The following ANKS1B variants were observed in gnomAD, a reference collection of about 807,000 sequenced individuals.
ANKS1B encodes the protein ankyrin repeat and sterile alpha motif domain-containing protein 1B.
A neutral mutation model predicts 148.3 loss-of-function variants in ANKS1B; 36 were observed. The ratio of observed to expected loss-of-function variants is 0.24; its 90% CI spans 0.19 to 0.32. The LOEUF is 0.32. Ranked by LOEUF, ANKS1B falls within the 10% of genes least tolerant of loss-of-function variation. The pLI, the probability that ANKS1B is intolerant of heterozygous loss-of-function variation, is 1.00. For missense variants in ANKS1B, 1,157 were observed against 1,542.6 expected, an observed-to-expected ratio of 0.75 and a Z score of 4.19; for synonymous variants, 542 against 560.8, an observed-to-expected ratio of 0.97 and a Z score of 0.47.
intron 9 of ANKS1B, among the ~76,000 whole-genome samples, chr12:99,513,301 A>G (rs932073763): frequency 2.0e-5 from 3 of 152,088 alleles, no homozygotes; most frequent in Non-Finnish European, 4.4e-5. Context: ...TTTAATATGC[A>G]TTGGGAAACC....
intron 10 of ANKS1B, among the ~76,000 whole-genome samples, chr12:99,481,006 T>TA (rs1369680430): frequency 6.6e-6 from 1 of 151,680 alleles, no homozygotes; most frequent in East Asian, 1.9e-4. Context: ...TTTTTTTTTT[T>TA]ACTGTTAAGA....
At chr12:99,966,006 A>T (rs1319203551) in intron 1 of ANKS1B, among the ~76,000 whole-genome samples, 2 of 152,234 alleles carry the variant, frequency 1.3e-5, no homozygotes, top group Non-Finnish European at 2.9e-5. Flanking sequence ...GACATCTTAT[A>T]AAATAACTGG....
chr12:99,163,048 ACT>A (rs765423335), intron 14 of ANKS1B, among the ~76,000 whole-genome samples: 4 of 151,054 alleles, frequency 2.6e-5, no homozygotes, highest in Non-Finnish European at 5.9e-5. Context: ...ACAGAGCGAG[ACT>A]CTGTCAAAAA....
At chr12:99,585,941 G>A (rs2097633568) in intron 9 of ANKS1B, among the ~76,000 whole-genome samples, 1 of 152,088 alleles carries the variant, frequency 6.6e-6, no homozygotes, top group South Asian at 2.1e-4. Context: ...CTGCCACAGA[G>A]GTCTCTGACA....
chr12:98,918,631 C>T (rs113616425), intron 17 of ANKS1B, among the ~76,000 whole-genome samples: 13 of 152,190 alleles, frequency 8.5e-5, no homozygotes, highest in Non-Finnish European at 1.9e-4. Flanking sequence ...CATTTTAATG[C>T]TCTTGAGACA....
At chr12:99,054,862 T>G (rs1423155532) in intron 16 of ANKS1B, among the ~76,000 whole-genome samples, 2 of 152,268 alleles carry the variant, frequency 1.3e-5, no homozygotes, top group Non-Finnish European at 2.9e-5. Context: ...GTTCTCTATT[T>G]TAAAGTTAGA....
chr12:99,474,665 T>G (rs1426263211), intron 10 of ANKS1B, among the ~76,000 whole-genome samples: 1 of 152,024 alleles, frequency 6.6e-6, no homozygotes, highest in Non-Finnish European at 1.5e-5. Flanking sequence ...GAATTAAAAT[T>G]GTTAATAGAA....
At chr12:99,090,069 T>C (rs1465417335) in intron 15 of ANKS1B, among the ~76,000 whole-genome samples, 1 of 152,220 alleles carries the variant, frequency 6.6e-6, no homozygotes, top group Admixed American at 6.5e-5. Flanking sequence ...AGTGGAAGTT[T>C]CTTTGACCAC....
At chr12:99,959,711 G>A (rs1230026924) in intron 1 of ANKS1B, among the ~76,000 whole-genome samples, 1 of 152,152 alleles carries the variant, frequency 6.6e-6, no homozygotes, top group East Asian at 1.9e-4. Flanking sequence ...GAATAAACAA[G>A]TGTGTTTAAT....
At chr12:98,747,886 G>A (rs558157241) in intron 26 of ANKS1B, among the ~76,000 whole-genome samples, 2 of 152,324 alleles carry the variant, frequency 1.3e-5, no homozygotes, top group African/African-American at 4.8e-5. Flanking sequence ...CTCATATGTG[G>A]AGGCTATAAA....
intron 9 of ANKS1B, among the ~76,000 whole-genome samples, chr12:99,589,374 C>T (rs979461081): frequency 6.6e-6 from 1 of 152,284 alleles, no homozygotes; most frequent in East Asian, 1.9e-4. Flanking sequence ...AAAATTATTT[C>T]ATCTGAAGTT....
intron 17 of ANKS1B, among the ~76,000 whole-genome samples, chr12:98,940,407 C>T (rs528788471): frequency 3.9e-5 from 6 of 152,274 alleles, no homozygotes; most frequent in African/African-American, 1.4e-4. Flanking sequence ...AAGAAAACTC[C>T]TTTCTTCTAT....
At chr12:99,335,230 T>C (rs1324802048) in intron 12 of ANKS1B, among the ~76,000 whole-genome samples, 2 of 152,004 alleles carry the variant, frequency 1.3e-5, no homozygotes, top group African/African-American at 2.4e-5. Flanking sequence ...CATGGGTACA[T>C]AGTAGATGTA....
chr12:99,651,013 G>A (rs548607386), intron 9 of ANKS1B, among the ~76,000 whole-genome samples: 242 of 152,184 alleles, frequency 1.6e-3, no homozygotes, highest in Non-Finnish European at 2.7e-3. Context: ...TTTGATACAT[G>A]TTTGCTGGAT....
chr12:99,626,762 A>G (rs1002867147), intron 9 of ANKS1B, among the ~76,000 whole-genome samples: 2 of 152,294 alleles, frequency 1.3e-5, no homozygotes, highest in East Asian at 3.9e-4. Context: ...GGAGCAAGAT[A>G]TCAGGAAAGA....
At chr12:99,515,424 T>A (rs1358512185) in intron 9 of ANKS1B, among the ~76,000 whole-genome samples, 1 of 152,050 alleles carries the variant, frequency 6.6e-6, no homozygotes, top group Non-Finnish European at 1.5e-5. Context: ...TGAGAACATG[T>A]GATATTTGTC....
intron 12 of ANKS1B, among the ~76,000 whole-genome samples, chr12:99,312,322 A>G (rs1039581324): frequency 1.4e-4 from 22 of 152,194 alleles, no homozygotes; most frequent in Admixed American, 3.9e-4. Flanking sequence ...TCATTTTATC[A>G]TATGAAAGTG....
At chr12:99,787,084 T>C (rs1016001888) in intron 4 of ANKS1B, among the ~76,000 whole-genome samples, 4 of 152,184 alleles carry the variant, frequency 2.6e-5, no homozygotes, top group Admixed American at 2.6e-4. Context: ...AACATATAAA[T>C]AGCTATTGAA....
intron 17 of ANKS1B, among the ~76,000 whole-genome samples, chr12:98,962,960 G>C (rs2099874215): frequency 6.6e-6 from 1 of 152,100 alleles, no homozygotes; most frequent in Admixed American, 6.5e-5. Context: ...CTAAAGAGAA[G>C]TTTATAGCTA....
Sources: gnomAD v4.1 joint callset for allele counts (sites outside exome capture counted in the v4.1 genomes callset) on GRCh38, gnomAD v4.1.1 for gene constraint, MANE v1.5 for transcripts, NCBI Gene and HGNC (gene_info 2026-07-23, HGNC 2026-07-21) for gene names.